Variants in ENTREP2 observed in about 807,000 individuals in gnomAD.
The protein encoded by ENTREP2 is endosomal transmembrane epsin interactor 2.
the ENTREP2 span, among the ~76,000 whole-genome samples, chr15:29,290,772 G>A: frequency 6.6e-6 from 1 of 152,166 alleles, no homozygotes; most frequent in African/African-American, 2.4e-5. Context: ...CTTTCTCTAG[G>A]CCGTGAACTT....
At chr15:29,320,955 G>T in the ENTREP2 span, among the ~76,000 whole-genome samples, 2 of 152,070 alleles carry the variant, frequency 1.3e-5, no homozygotes, top group African/African-American at 2.4e-5. Flanking sequence ...AAAGAGAATG[G>T]AATAGATGAC....
the ENTREP2 span, among the ~76,000 whole-genome samples, chr15:29,528,187 G>C: frequency 5.3e-5 from 8 of 152,004 alleles, no homozygotes; most frequent in Non-Finnish European, 1.0e-4. Flanking sequence ...AATTCAAGGG[G>C]TCATCTGACG....
At chr15:29,414,241 A>G in the ENTREP2 span, among the ~76,000 whole-genome samples, 1 of 152,200 alleles carries the variant, frequency 6.6e-6, no homozygotes, top group Non-Finnish European at 1.5e-5. Context: ...TTGACCACAT[A>G]GTTGGAAGTA....
chr15:29,277,164 CG>C, the ENTREP2 span, among the ~76,000 whole-genome samples: 1 of 151,878 alleles, frequency 6.6e-6, no homozygotes, highest in South Asian at 2.1e-4. Context: ...GCCAACATGG[CG>C]GAACCCCATC....
the ENTREP2 span, among the ~76,000 whole-genome samples, chr15:29,624,487 T>C: frequency 6.6e-6 from 1 of 152,202 alleles, no homozygotes; most frequent in Non-Finnish European, 1.5e-5. Flanking sequence ...ATCAGGGTTA[T>C]GTCTCTCTAC....
At chr15:29,189,120 C>T in the ENTREP2 span, among the ~76,000 whole-genome samples, 1 of 152,176 alleles carries the variant, frequency 6.6e-6, no homozygotes, top group African/African-American at 2.4e-5. Context: ...TCAATCAAAC[C>T]CAAGTAGGGG....
chr15:29,178,041 C>T, the ENTREP2 span, among the ~76,000 whole-genome samples: 1 of 151,904 alleles, frequency 6.6e-6, no homozygotes, highest in Non-Finnish European at 1.5e-5. Context: ...GCCTGTAATC[C>T]CAACACTTAG....
the ENTREP2 span, among the ~76,000 whole-genome samples, chr15:29,428,366 A>G: frequency 6.6e-6 from 1 of 152,038 alleles, no homozygotes; most frequent in Admixed American, 6.6e-5. Context: ...GGTGCTCGCC[A>G]CCACACACGG....
the ENTREP2 span, among the ~76,000 whole-genome samples, chr15:29,650,096 T>C: frequency 1.3e-5 from 2 of 152,058 alleles, no homozygotes; most frequent in Non-Finnish European, 2.9e-5. Flanking sequence ...CACGAGATTA[T>C]GCATATGCGC....
At chr15:29,269,907 A>C in the ENTREP2 span, 1 of 518,208 alleles carries the variant, frequency 1.9e-6, no homozygotes, top group African/African-American at 2.0e-5. Flanking sequence ...CAAAAGGAAC[A>C]GCGTTTTCCG....
At chr15:29,558,208 G>A in the ENTREP2 span, among the ~76,000 whole-genome samples, 5 of 152,076 alleles carry the variant, frequency 3.3e-5, no homozygotes, top group Admixed American at 3.3e-4. Context: ...AGAGGTGTGA[G>A]GGCACTCAGA....
At chr15:29,596,026 GA>G in the ENTREP2 span, among the ~76,000 whole-genome samples, 1 of 152,132 alleles carries the variant, frequency 6.6e-6, no homozygotes, top group Non-Finnish European at 1.5e-5. Flanking sequence ...TCCTTCCACT[GA>G]AAATGGTATT....
At chr15:29,551,695 A>T in the ENTREP2 span, among the ~76,000 whole-genome samples, 8 of 60,250 alleles carry the variant, frequency 1.3e-4, no homozygotes, top group Non-Finnish European at 2.6e-4. Context: ...TGCCTATTTA[A>T]AAAAAAAAAA....
At chr15:29,349,695 C>T in the ENTREP2 span, among the ~76,000 whole-genome samples, 16 of 152,034 alleles carry the variant, frequency 1.1e-4, no homozygotes, top group South Asian at 1.2e-3. Flanking sequence ...CTCAGGAGTT[C>T]GAGACCAGCC....
chr15:29,129,218 C>T, the ENTREP2 span, among the ~76,000 whole-genome samples: 31 of 151,712 alleles, frequency 2.0e-4, no homozygotes, highest in African/African-American at 5.9e-4. Flanking sequence ...TGTCCACCAC[C>T]GTGCCCAGCT....
At chr15:29,609,184 G>A in the ENTREP2 span, among the ~76,000 whole-genome samples, 1 of 150,022 alleles carries the variant, frequency 6.7e-6, no homozygotes, top group African/African-American at 2.4e-5. Flanking sequence ...GTTTCTGTGT[G>A]TCTGCATGGG....
the ENTREP2 span, among the ~76,000 whole-genome samples, chr15:29,411,030 G>A: frequency 1.3e-5 from 2 of 152,048 alleles, no homozygotes; most frequent in South Asian, 2.1e-4. Context: ...GTGATCCGCC[G>A]CCTCAGCCTC....
At chr15:29,297,391 G>T in the ENTREP2 span, among the ~76,000 whole-genome samples, 1 of 152,092 alleles carries the variant, frequency 6.6e-6, no homozygotes, top group Admixed American at 6.6e-5. Context: ...ACACCATTTG[G>T]CCACTTCTAG....
At chr15:29,626,544 G>A in the ENTREP2 span, among the ~76,000 whole-genome samples, 1 of 152,174 alleles carries the variant, frequency 6.6e-6, no homozygotes, top group Non-Finnish European at 1.5e-5. Flanking sequence ...CCAATCTTGA[G>A]TATGTCTTTA....
Sources: gnomAD v4.1 joint callset for allele counts (sites outside exome capture counted in the v4.1 genomes callset) on GRCh38, gnomAD v4.1.1 for gene constraint, MANE v1.5 for transcripts, NCBI Gene and HGNC (gene_info 2026-07-23, HGNC 2026-07-21) for gene names.